OR2T1: variants seen among roughly 807,000 people sequenced by gnomAD.
The protein encoded by OR2T1 is olfactory receptor family 2 subfamily T member 1, also known as olfactory receptor 2T1.
For synonymous variants in OR2T1, 186 were observed against 145.4 expected, an observed-to-expected ratio of 1.28 and a Z score of -2.01; for missense variants, 440 against 390.2, an observed-to-expected ratio of 1.13 and a Z score of -1.07.
rs779615684 is a variant in OR2T1 at position 248,407,017 on chromosome 1, C to G, written c.870C>G (p.Ser290Arg). The G allele has an allele frequency of 2.5e-6, 4 of 1,614,084 alleles. No homozygotes were observed. Among genetic ancestry groups the G allele is most frequent in the Non-Finnish European group, 3.4e-6 (4 of 1,179,976 alleles). The part of the protein sequence containing the change: ...LTPMLNPLIY[S>R]LRNKDVTGAL... ...CCATGCTGAACCCCCTCATCTACAG[C>G]CTTAGAAACAAGGATGTGACTGGAG... The change falls in exon 2 of 2, where the codon AGC becomes AGG. Residue 290 changes from serine to arginine, a missense_variant. Ser to Arg is a moderately radical substitution (Grantham distance 110). Transcript: ENST00000642005.
At position 248,407,841 on chromosome 1, in the gene OR2T1, A is replaced by T. The variant is rs1388673006; in HGVS notation, c.*737A>T. ...CTGTGTATCCTTTGTAATATCATTT[A>T]TAACAAGTGGTAAACATAGGTAAGT... On this transcript the variant is annotated 3_prime_UTR_variant, in exon 2 of 2. Coordinates refer to ENST00000642005, the MANE Select transcript of OR2T1 (RefSeq NM_030904.2). The T allele has an allele frequency of 1.3e-5, 2 of 152,248 alleles. No homozygotes were observed. 9.4% of individuals were successfully genotyped at this position (152,248 alleles called of 1,614,324 possible). A position where few individuals can be genotyped will look rare whatever the true frequency, so the allele number is the denominator to read the frequency against.
At chr1:248,405,671 T>C (rs150705885) in intron 1 of OR2T1, among the ~76,000 whole-genome samples, 105 of 152,310 alleles carry the variant, frequency 6.9e-4, no homozygotes, top group African/African-American at 2.4e-3. Flanking sequence ...TACTTGTAGC[T>C]AAATGGAAGA....
chr1:248,403,698 T>C (rs1041480236), intron 1 of OR2T1, among the ~76,000 whole-genome samples: 5 of 152,168 alleles, frequency 3.3e-5, no homozygotes, highest in African/African-American at 1.2e-4. Context: ...CCAGGAGATA[T>C]TCAACAAGTA....
At chr1:248,403,941 A>G (rs983805253) in intron 1 of OR2T1, among the ~76,000 whole-genome samples, 2 of 152,098 alleles carry the variant, frequency 1.3e-5, no homozygotes, top group Non-Finnish European at 1.5e-5. Flanking sequence ...CTAGAACCAC[A>G]GAAGAGTTAC....
At chr1:248,405,897 C>A (rs1202716226) in intron 1 of OR2T1, 17 of 986,132 alleles carry the variant, frequency 1.7e-5, no homozygotes, top group Non-Finnish European at 2.5e-5. Context: ...ATCTGCTGAC[C>A]TCATCTTCTC....
In OR2T1 at chr1:248,407,839, T is replaced by A. The variant is rs2103084351; in HGVS notation, c.*735T>A. On this transcript the variant is annotated 3_prime_UTR_variant, in exon 2 of 2. Coordinates refer to ENST00000642005, the MANE Select transcript of OR2T1 (RefSeq NM_030904.2). ...TTCTGTGTATCCTTTGTAATATCAT[T>A]TATAACAAGTGGTAAACATAGGTAA... The A allele has an allele frequency of 6.6e-6, 1 of 152,342 alleles. No homozygotes were observed. The highest frequency in any genetic ancestry group is 1.9e-4 in the East Asian group (1 of 5,196). 9.4% of individuals were successfully genotyped at this position (152,342 alleles called of 1,614,324 possible). A position where few individuals can be genotyped will look rare whatever the true frequency, so the allele number is the denominator to read the frequency against.
At chr1:248,405,764 A>G (rs933078246) in intron 1 of OR2T1, among the ~76,000 whole-genome samples, 7 of 152,216 alleles carry the variant, frequency 4.6e-5, no homozygotes, top group African/African-American at 1.2e-4. Flanking sequence ...AAATAATAAT[A>G]CAAATTTAAA....
intron 1 of OR2T1, among the ~76,000 whole-genome samples, chr1:248,405,027 C>T (rs183099203): frequency 1.3e-5 from 2 of 152,230 alleles, no homozygotes; most frequent in East Asian, 3.9e-4. Context: ...AAAATAAACT[C>T]CACGATGTCA....
chr1:248,405,821 G>A (rs139030654), intron 1 of OR2T1, among the ~76,000 whole-genome samples: 6 of 152,180 alleles, frequency 3.9e-5, no homozygotes, highest in Middle Eastern at 3.2e-3. Context: ...CATGGTATGC[G>A]TAACTGCTGT....
At position 248,406,218 on chromosome 1, in the gene OR2T1, G is replaced by T. The variant is rs1285725360; in HGVS notation, c.71G>T (p.Gly24Val). Residue 24 changes from glycine (G) to valine (V), a missense_variant, in exon 2 of 2, where the codon GGT (glycine) becomes GTT (valine). Physicochemically the swap from Gly to Val is moderately radical, Grantham distance 109. Transcript: ENST00000642005. The stretch of plus-strand genomic sequence containing the variant: ...CTGTTCAACAGAAAGGAAACCTCAG[G>T]TCTTATTTTTGCCATCATCTCTATC... ...MGLFNRKETS[G>V]LIFAIISIIF... The T allele has an allele frequency of 1.9e-6, 3 of 1,613,904 alleles. No homozygotes were observed. Among genetic ancestry groups the T allele is most frequent in the Admixed American group, 1.7e-5 (1 of 59,970 alleles).
intron 1 of OR2T1, among the ~76,000 whole-genome samples, chr1:248,404,245 G>GGCCGCTATTACATAT: frequency 1.3e-5 from 2 of 150,970 alleles, no homozygotes; most frequent in African/African-American, 4.9e-5. Context: ...AGACAGCAGA[G>GGCCGCTATTACATAT]ACCACTGTTT....
rs981456332 is a variant in OR2T1 at position 248,403,176 on chromosome 1, T to C, written c.-103T>C. ...GTCAAAGGATACTTGGGGGAAAAGATAGACTTTAACTGCTGATGTAACTTC... is the reference window on the plus strand; with the variant it reads ...GTCAAAGGATACTTGGGGGAAAAGACAGACTTTAACTGCTGATGTAACTTC... On this transcript the variant is annotated 5_prime_UTR_variant, in exon 1 of 2. Coordinates refer to ENST00000642005, the MANE Select transcript of OR2T1 (RefSeq NM_030904.2). 6.6e-6 allele frequency: 1 copy of C among 152,150 alleles called. No homozygotes were observed. The highest frequency in any genetic ancestry group is 1.5e-5 in the Non-Finnish European group (1 of 68,016). 9.4% of individuals were successfully genotyped at this position (152,150 alleles called of 1,614,324 possible).
In OR2T1 at chr1:248,404,559, T is replaced by TATATATAA. The variant is rs1398186835; in HGVS notation, c.-34+1315_-34+1316insTATATAAA. Among the ~76,000 whole-genome samples, 165 of 149,386 alleles carry TATATATAA rather than the reference T, an allele frequency of 1.1e-3. 2 individuals carry two copies. The highest frequency in any genetic ancestry group is 3.8e-3 in the African/African-American group (156 of 41,138). ...GCAAAATATACATTATATATATATA[T>TATATATAA]AAAATATACATATGATGTATCTATG... On this transcript the variant is annotated intron_variant, in intron 1 of 1. Transcript: ENST00000642005.
intron 1 of OR2T1, among the ~76,000 whole-genome samples, chr1:248,403,922 T>A (rs1278842245): frequency 6.6e-6 from 1 of 152,026 alleles, no homozygotes; most frequent in Non-Finnish European, 1.5e-5. Flanking sequence ...TAGCTGGCCA[T>A]AGAAAAAGCT....
chr1:248,405,159 A>C (rs955654282), intron 1 of OR2T1, among the ~76,000 whole-genome samples: 1 of 152,180 alleles, frequency 6.6e-6, no homozygotes, highest in Non-Finnish European at 1.5e-5. Context: ...TATGTTGGTA[A>C]AATGTCTTTC....
intron 1 of OR2T1, among the ~76,000 whole-genome samples, chr1:248,404,135 T>A (rs1422708229): frequency 2.3e-3 from 1 of 430 alleles, no homozygotes; most frequent in African/African-American, 7.8e-3. Flanking sequence ...AAAATTCCAA[T>A]TTCCAAAAAT....
rs1167632918 is a variant in OR2T1, at chr1:248,406,466, G to C, written c.319G>C (p.Val107Leu). The change falls in exon 2 of 2, where the codon GTG becomes CTG. Residue 107 changes from valine to leucine, a missense_variant. Coordinates refer to ENST00000642005, the MANE Select transcript of OR2T1 (RefSeq NM_030904.2). ...TAQHFLYLTL[V>L]GAEFFLLGLM... is the part of the protein sequence containing the mutation. ...TCAACACTTCCTCTACCTTACCCTT[G>C]TGGGAGCTGAATTCTTCCTGCTGGG... 1.2e-6 allele frequency: 2 copies of C among 1,614,096 alleles called. No homozygotes were observed. Among genetic ancestry groups the C allele is most frequent in the Non-Finnish European group, 1.7e-6 (2 of 1,180,014 alleles).
chr1:248,407,079 A>C lies in OR2T1; in HGVS notation c.932A>C (p.Gln311Pro), dbSNP rs1302372319. 1 of 1,604,376 alleles carries C rather than the reference A, an allele frequency of 6.2e-7. No individual in the cohort carries two copies. Among genetic ancestry groups the C allele is most frequent in the Non-Finnish European group, 8.5e-7 (1 of 1,175,316 alleles). Reference sequence around the variant, plus strand: ...GCCTTGGGGAGGTTCAAGGGTCCTCAAAGGGTGTCAGGAGGTGTCTTTTGA... The same window carrying C: ...GCCTTGGGGAGGTTCAAGGGTCCTCCAAGGGTGTCAGGAGGTGTCTTTTGA... ...KRALGRFKGPQRVSGGVF is the reference protein window; with the variant it reads ...KRALGRFKGPPRVSGGVF The change falls in exon 2 of 2, where the codon CAA becomes CCA. Residue 311 changes from glutamine (Q) to proline (P), a missense_variant. Physicochemically the swap from Gln to Pro is moderately conservative, Grantham distance 76 (BLOSUM62 -1). Transcript: ENST00000642005.
Position 248,406,640 on chromosome 1 carries a change from T to C in OR2T1, c.493T>C (p.Phe165Leu). 1 of 1,614,156 alleles carries C rather than the reference T, an allele frequency of 6.2e-7. No homozygotes were observed. The highest frequency in any genetic ancestry group is 1.1e-5 in the South Asian group (1 of 91,086). The change falls in exon 2 of 2, where the codon TTT becomes CTT. Residue 165 changes from phenylalanine (F) to leucine (L), a missense_variant. Transcript: ENST00000642005. Reference protein sequence around the residue: ...GFLLTPITMSFPFCNSREINH... With the variant: ...GFLLTPITMSLPFCNSREINH... ...CCTCCTAACCCCCATCACCATGAGC[T>C]TTCCCTTCTGCAATTCCCGGGAGAT...
Sources: allele counts gnomAD v4.1 joint callset (sites outside exome capture counted in the v4.1 genomes callset), GRCh38; gene constraint gnomAD v4.1.1; transcripts MANE v1.5; gene names NCBI Gene and HGNC (gene_info 2026-07-23, HGNC 2026-07-21).